Variants in CSMD1 observed in about 807,000 individuals in gnomAD.
The protein encoded by CSMD1 is CUB and Sushi multiple domains 1.
CSMD1 carries 213 observed loss-of-function variants against 417.5 expected under a neutral mutation model. That is an observed-to-expected ratio of 0.51 (90% confidence interval 0.46 to 0.57). CSMD1 has a LOEUF of 0.57. Ranked by LOEUF, CSMD1 falls within the 20% of genes least tolerant of loss-of-function variation. The pLI is 0.00. For missense variants in CSMD1, 6,923 were observed against 4,529.7 expected (o/e 1.53, Z -15.17); for synonymous variants, 2,862 against 1,736.8 (o/e 1.65, Z -16.11).
Position 4,596,375 on chromosome 8 carries a change from A to G in CSMD1, c.302+40967T>C, listed in dbSNP as rs148148550. Among the ~76,000 whole-genome samples the G allele has an allele frequency of 5.3e-3, 802 of 152,308 alleles. 12 individuals are homozygous for G. The highest frequency in any genetic ancestry group is 0.018 in the African/African-American group (756 of 41,562). ...AAGGGTCTCAGGGAGACTTTCTGGA[A>G]AAATGATTTCTAGACTGAATCGTCA... On this transcript the variant is annotated intron_variant, in intron 2 of 69. Transcript: ENST00000635120.
Position 3,910,080 on chromosome 8 carries a change from A to G in CSMD1, c.818+87823T>C, listed in dbSNP as rs145801999. Among the ~76,000 whole-genome samples the G allele has an allele frequency of 7.3e-3, 1,105 of 152,308 alleles. 15 individuals carry two copies. The highest frequency in any genetic ancestry group is 0.023 in the African/African-American group (971 of 41,566). ...ACTAGAGCAAAGACCAGCTGCTAAC[A>G]TGGCATTGGGGAAAGGAGAACGGAA... On this transcript the variant is annotated intron_variant, in intron 5 of 69. Transcript: ENST00000635120.
At chr8:3,051,430 C>A (rs572463668) in intron 50 of CSMD1, among the ~76,000 whole-genome samples, 26 of 152,236 alleles carry the variant, frequency 1.7e-4, no homozygotes, top group African/African-American at 5.5e-4. Context: ...GCAACAGACA[C>A]TGGGGCCTAT....
intron 5 of CSMD1, among the ~76,000 whole-genome samples, chr8:3,873,026 T>C (rs1024614517): frequency 1.3e-5 from 2 of 151,996 alleles, no homozygotes; most frequent in Admixed American, 6.6e-5. Flanking sequence ...CTACTCAGAA[T>C]TGTTGTTATT....
intron 1 of CSMD1, among the ~76,000 whole-genome samples, chr8:4,941,270 T>C (rs1807979597): frequency 9.2e-6 from 1 of 109,252 alleles, no homozygotes. Flanking sequence ...ACAGTAACAT[T>C]CTTTGATTCA....
chr8:4,734,241 C>A (rs1033331491), intron 1 of CSMD1, among the ~76,000 whole-genome samples: 2 of 152,042 alleles, frequency 1.3e-5, no homozygotes, highest in African/African-American at 4.8e-5. Flanking sequence ...GATTTTCTAG[C>A]TTTCAAGAAA....
chr8:4,226,067 GACACACAC>G (rs67767005), intron 3 of CSMD1, among the ~76,000 whole-genome samples: 3,082 of 143,542 alleles, frequency 0.021, 56 homozygotes, highest in African/African-American at 0.042. Flanking sequence ...CTGACAGGCG[GACACACAC>G]ACACACACAC....
At chr8:4,810,270 T>C (rs1203803167) in intron 1 of CSMD1, among the ~76,000 whole-genome samples, 2 of 152,258 alleles carry the variant, frequency 1.3e-5, no homozygotes, top group African/African-American at 2.4e-5. Flanking sequence ...ATTTACCTAA[T>C]AAAATTCAAA....
At chr8:3,823,995 T>C (rs767867311) in intron 5 of CSMD1, among the ~76,000 whole-genome samples, 51 of 152,174 alleles carry the variant, frequency 3.4e-4, no homozygotes, top group Non-Finnish European at 6.2e-4. Context: ...CCTAATAATG[T>C]TTTTGCTTCC....
At chr8:3,338,260 G>A (rs1807407120) in intron 23 of CSMD1, among the ~76,000 whole-genome samples, 1 of 152,180 alleles carries the variant, frequency 6.6e-6, no homozygotes, top group African/African-American at 2.4e-5. Flanking sequence ...ACGCCTCTAT[G>A]CCCAGGGAGT....
intron 3 of CSMD1, among the ~76,000 whole-genome samples, chr8:4,406,345 G>C (rs148415013): frequency 1.3e-5 from 2 of 152,150 alleles, no homozygotes; most frequent in East Asian, 1.9e-4. Flanking sequence ...CAAAATGACA[G>C]AATTTAGGGA....
chr8:3,321,387 T>A (rs1046121376), intron 23 of CSMD1, among the ~76,000 whole-genome samples: 2 of 152,146 alleles, frequency 1.3e-5, no homozygotes, highest in South Asian at 4.1e-4. Context: ...CAAGCTCCCT[T>A]ACGGCTGCAG....
intron 41 of CSMD1, among the ~76,000 whole-genome samples, chr8:3,137,282 A>C (rs1399891311): frequency 6.6e-6 from 1 of 152,246 alleles, no homozygotes; most frequent in Admixed American, 6.5e-5. Context: ...AAATTGATTT[A>C]ATTTAATGAG....
chr8:3,914,859 C>G (rs1399765938), intron 5 of CSMD1, among the ~76,000 whole-genome samples: 1 of 152,140 alleles, frequency 6.6e-6, no homozygotes, highest in Admixed American at 6.5e-5. Context: ...CCAAGGCACA[C>G]ATCATACAGT....
chr8:3,610,145 G>C (rs1801818818), intron 8 of CSMD1, among the ~76,000 whole-genome samples: 1 of 152,010 alleles, frequency 6.6e-6, no homozygotes, highest in African/African-American at 2.4e-5. Flanking sequence ...TTTCATCTAA[G>C]TGTCATAAGG....
chr8:4,415,499 G>C (rs116602053), intron 3 of CSMD1, among the ~76,000 whole-genome samples: 2 of 152,080 alleles, frequency 1.3e-5, no homozygotes, highest in Admixed American at 6.5e-5. Flanking sequence ...GGCCCACGTA[G>C]ACCTGCTCTT....
intron 1 of CSMD1, among the ~76,000 whole-genome samples, chr8:4,914,583 GA>G (rs59293226): frequency 0.025 from 3,281 of 133,594 alleles, 75 homozygotes; most frequent in African/African-American, 0.074. Flanking sequence ...CTCCCAAAAA[GA>G]AAAAAAAAAA....
At chr8:3,693,646 A>T (rs1326901688) in intron 7 of CSMD1, among the ~76,000 whole-genome samples, 1 of 152,232 alleles carries the variant, frequency 6.6e-6, no homozygotes, top group Non-Finnish European at 1.5e-5. Context: ...ATGTGTACAT[A>T]TATGTAGTTA....
chr8:4,374,011 T>C (rs1802559095), intron 3 of CSMD1, among the ~76,000 whole-genome samples: 1 of 152,186 alleles, frequency 6.6e-6, no homozygotes, highest in Non-Finnish European at 1.5e-5. Context: ...ATGACAGAAA[T>C]TAAGACAGAA....
At chr8:4,464,772 G>C (rs943498267) in intron 2 of CSMD1, among the ~76,000 whole-genome samples, 22 of 152,110 alleles carry the variant, frequency 1.4e-4, no homozygotes, top group African/African-American at 3.6e-4. Flanking sequence ...CTGCTGAGTG[G>C]GGTGGGGCTG....
Sources: allele counts gnomAD v4.1 joint callset (sites outside exome capture counted in the v4.1 genomes callset), GRCh38; gene constraint gnomAD v4.1.1; transcripts MANE v1.5; gene names NCBI Gene and HGNC (gene_info 2026-07-23, HGNC 2026-07-21).